Variants in CRIM1 observed in about 807,000 individuals in gnomAD.
CRIM1 encodes cysteine-rich motor neuron 1 protein.
CRIM1 carries 32 observed loss-of-function variants against 116.4 expected under a neutral mutation model. That is an observed-to-expected ratio of 0.27 (90% confidence interval 0.21 to 0.37). The LOEUF (loss-of-function observed/expected upper bound fraction) is 0.37, where lower values mean the gene tolerates loss of function less well. Among genes scored for constraint, CRIM1 ranks in the 10% least tolerant of loss-of-function variants. CRIM1 has a pLI of 1.00. For synonymous variants in CRIM1, 590 were observed against 509.2 expected, an observed-to-expected ratio of 1.16 and a Z score of -2.13; for missense variants, 1,331 against 1,354.8, an observed-to-expected ratio of 0.98 and a Z score of 0.28.
At chr2:36,369,710 A>G (rs1669823417) in intron 1 of CRIM1, among the ~76,000 whole-genome samples, 1 of 152,224 alleles carries the variant, frequency 6.6e-6, no homozygotes, top group South Asian at 2.1e-4. Context: ...TTTATACAAC[A>G]AGGATCTGTA....
At chr2:36,518,211 C>A (rs953438526) in intron 12 of CRIM1, among the ~76,000 whole-genome samples, 1 of 152,084 alleles carries the variant, frequency 6.6e-6, no homozygotes, top group Admixed American at 6.6e-5. Context: ...TTTTATATAA[C>A]TTTAGTAGTA....
intron 2 of CRIM1, among the ~76,000 whole-genome samples, chr2:36,409,834 A>G (rs2148411976): frequency 6.6e-6 from 1 of 152,336 alleles, no homozygotes; most frequent in East Asian, 1.9e-4. Flanking sequence ...TTAAAGAAGC[A>G]TTCTAATAAT....
At chr2:36,536,020 A>G (rs960493385) in intron 13 of CRIM1, among the ~76,000 whole-genome samples, 1 of 152,178 alleles carries the variant, frequency 6.6e-6, no homozygotes, top group Non-Finnish European at 1.5e-5. Context: ...CTCCCAAGGG[A>G]CAATTGTAAT....
intron 2 of CRIM1, among the ~76,000 whole-genome samples, chr2:36,406,070 C>T (rs1300791247): frequency 1.3e-5 from 2 of 151,960 alleles, no homozygotes; most frequent in African/African-American, 4.8e-5. Flanking sequence ...GCATTAAATG[C>T]CATTATTTCA....
At chr2:36,530,658 TTGG>T (rs1260654380) in intron 13 of CRIM1, among the ~76,000 whole-genome samples, 1 of 152,218 alleles carries the variant, frequency 6.6e-6, no homozygotes, top group Admixed American at 6.5e-5. Context: ...AGCTATGTCA[TTGG>T]TAATACTTGG....
intron 2 of CRIM1, among the ~76,000 whole-genome samples, chr2:36,429,276 C>T (rs1024212724): frequency 6.6e-6 from 1 of 152,122 alleles, no homozygotes; most frequent in African/African-American, 2.4e-5. Flanking sequence ...TCATGATGTC[C>T]CGTGACATTT....
intron 7 of CRIM1, among the ~76,000 whole-genome samples, chr2:36,492,389 A>G (rs902118720): frequency 6.6e-6 from 1 of 152,208 alleles, no homozygotes; most frequent in African/African-American, 2.4e-5. Context: ...ACTTTTTTCC[A>G]TGACTTAATG....
At chr2:36,407,570 A>C (rs527466545) in intron 2 of CRIM1, among the ~76,000 whole-genome samples, 1 of 152,270 alleles carries the variant, frequency 6.6e-6, no homozygotes, top group Non-Finnish European at 1.5e-5. Flanking sequence ...TGGGAAATAA[A>C]AACAGGAAAC....
chr2:36,523,035 A>T (rs1239716058), intron 13 of CRIM1, among the ~76,000 whole-genome samples: 3 of 149,724 alleles, frequency 2.0e-5, no homozygotes, highest in African/African-American at 7.4e-5. Context: ...GCTTGCTGCA[A>T]CCTCCGCCTC....
At chr2:36,449,883 CAAA>C (rs11430812) in intron 4 of CRIM1, among the ~76,000 whole-genome samples, 4 of 150,042 alleles carry the variant, frequency 2.7e-5, no homozygotes, top group Admixed American at 2.0e-4. Context: ...AAAAACAAAA[CAAA>C]AAAAAACCTT....
At chr2:36,464,476 C>T in intron 4 of CRIM1, 58 bp from the exon 5 acceptor site, 1 of 1,603,590 alleles carries the variant, frequency 6.2e-7, no homozygotes, top group South Asian at 1.1e-5. Flanking sequence ...TTGTGGTCTC[C>T]CGACTTCTAT....
chr2:36,356,720 A>T lies in CRIM1; in HGVS notation c.331+97A>T. On this transcript the variant is annotated intron_variant, in intron 1 of 16. Coordinates refer to ENST00000280527, the MANE Select transcript of CRIM1 (RefSeq NM_016441.3). The surrounding 1 kb of genome is among the most constrained non-coding windows in gnomAD (Gnocchi z 4.3). The stretch of plus-strand genomic sequence containing the variant: ...AAGTTTGGGCGAGACTTTCTGGAGG[A>T]AAGAGGGCTCTGCGGGAAGAGGGGC... 1 of 1,242,462 alleles carries T rather than the reference A, an allele frequency of 8.0e-7. No homozygotes were observed. Among genetic ancestry groups the T allele is most frequent in the Non-Finnish European group, 1.1e-6 (1 of 909,168 alleles). 77.0% of individuals were successfully genotyped at this position (1,242,462 alleles called of 1,614,324 possible). A position where few individuals can be genotyped will look rare whatever the true frequency, so the allele number is the denominator to read the frequency against.
chr2:36,493,071 A>T (rs1179356497), intron 7 of CRIM1, among the ~76,000 whole-genome samples: 1 of 152,196 alleles, frequency 6.6e-6, no homozygotes, highest in Non-Finnish European at 1.5e-5. Flanking sequence ...AGCTTCATTT[A>T]TCTTAATACT....
At chr2:36,404,131 C>G (rs1016170305) in intron 2 of CRIM1, among the ~76,000 whole-genome samples, 1 of 152,152 alleles carries the variant, frequency 6.6e-6, no homozygotes, top group African/African-American at 2.4e-5. Context: ...CAGGAAGTGA[C>G]TCCTCTGTTA....
chr2:36,474,828 A>G (rs1678827325), intron 5 of CRIM1, among the ~76,000 whole-genome samples: 1 of 126,946 alleles, frequency 7.9e-6, no homozygotes, highest in Admixed American at 9.9e-5. Context: ...AGCCTGGGTG[A>G]CAGAGTGAGA....
intron 2 of CRIM1, among the ~76,000 whole-genome samples, chr2:36,399,400 A>G (rs1672259639): frequency 6.6e-6 from 1 of 152,230 alleles, no homozygotes; most frequent in Non-Finnish European, 1.5e-5. Flanking sequence ...AAACTGGACT[A>G]GAGTGGCAGC....
At chr2:36,499,101 T>C in intron 7 of CRIM1, 118 bp from the exon 8 acceptor site, 1 of 736,494 alleles carries the variant, frequency 1.4e-6, no homozygotes, top group Non-Finnish European at 2.3e-6. Flanking sequence ...GTTTACGATT[T>C]GATGACAATT....
In CRIM1 at chr2:36,479,863, G is replaced by C. The variant is rs189650722; in HGVS notation, c.1372+169G>C. ...GCTCAAACTGATGATTTGAGGAAAG[G>C]TTGCACATGTGAAATGAGAATAGTG... On this transcript the variant is annotated intron_variant, in intron 7 of 16. Coordinates refer to ENST00000280527, the MANE Select transcript of CRIM1 (RefSeq NM_016441.3). Among the ~76,000 whole-genome samples the C allele has an allele frequency of 3.3e-5, 5 of 152,326 alleles. No homozygotes were observed. The East Asian group carries it at 7.7e-4, about 23-fold the overall frequency.
At chr2:36,498,413 T>C (rs1288333720) in intron 7 of CRIM1, among the ~76,000 whole-genome samples, 3 of 152,218 alleles carry the variant, frequency 2.0e-5, no homozygotes, top group Non-Finnish European at 2.9e-5. Flanking sequence ...ACCCACCTCA[T>C]TGGAATATGG....
Sources: allele counts gnomAD v4.1 joint callset (sites outside exome capture counted in the v4.1 genomes callset), GRCh38; gene constraint gnomAD v4.1.1; non-coding constraint Gnocchi (gnomAD v3.1); transcripts MANE v1.5; gene names NCBI Gene and HGNC (gene_info 2026-07-23, HGNC 2026-07-21).